Variants in CCDC181 observed in about 807,000 individuals in gnomAD.
The protein encoded by CCDC181 is coiled-coil domain containing 181.
CCDC181 carries 35 observed loss-of-function variants against 58.7 expected under a neutral mutation model. The observed-to-expected ratio is 0.60, with a 90% CI of 0.46 to 0.79. The LOEUF is 0.79. CCDC181 is among the 30% of genes least tolerant of loss of function. The pLI is 0.00. For missense variants in CCDC181, 517 were observed against 583.9 expected, an observed-to-expected ratio of 0.89 and a Z score of 1.18; for synonymous variants, 183 against 197.5, an observed-to-expected ratio of 0.93 and a Z score of 0.62.
chr1:169,426,360 T>C (rs1656708621), intron 1 of CCDC181, among the ~76,000 whole-genome samples: 1 of 152,182 alleles, frequency 6.6e-6, no homozygotes, highest in South Asian at 2.1e-4. Flanking sequence ...CACTTAACAC[T>C]TCCTACTTTA....
intron 5 of CCDC181, 139 bp downstream of exon 5, chr1:169,397,098 A>G (rs1186312264): frequency 1.3e-5 from 7 of 523,422 alleles, no homozygotes; most frequent in Non-Finnish European, 1.8e-5. Flanking sequence ...TTTTAAAAGC[A>G]TGAATTTAAA....
upstream of CCDC181, among the ~76,000 whole-genome samples, chr1:169,432,196 C>G (rs1656939445): frequency 6.6e-6 from 1 of 152,022 alleles, no homozygotes; most frequent in Non-Finnish European, 1.5e-5. Flanking sequence ...AAAAGTACAA[C>G]TGAAATGAAA....
chr1:169,413,204 G>A (rs1656055508), intron 4 of CCDC181, among the ~76,000 whole-genome samples: 3 of 152,254 alleles, frequency 2.0e-5, no homozygotes, highest in Middle Eastern at 3.4e-3. Context: ...CAAAAAGTGG[G>A]CAAAGGATAT....
At chr1:169,429,317 C>T (rs545939562), upstream of CCDC181, among the ~76,000 whole-genome samples, 3 of 152,278 alleles carry the variant, frequency 2.0e-5, no homozygotes, top group Non-Finnish European at 2.9e-5. Flanking sequence ...GGTAGATACA[C>T]GGTAGTGGGA....
intron 2 of CCDC181, among the ~76,000 whole-genome samples, chr1:169,452,407 G>GATTCTAAACTAA (rs1657564874): frequency 6.6e-6 from 1 of 152,042 alleles, no homozygotes; most frequent in South Asian, 2.1e-4. Flanking sequence ...TAGGAGAACA[G>GATTCTAAACTAA]AAAGTAGACA....
intron 1 of CCDC181, among the ~76,000 whole-genome samples, chr1:169,426,586 T>G (rs1656722159): frequency 6.6e-6 from 1 of 152,224 alleles, no homozygotes; most frequent in Non-Finnish European, 1.5e-5. Flanking sequence ...ATACATAATT[T>G]TGATAACTTT....
intron 4 of CCDC181, among the ~76,000 whole-genome samples, chr1:169,416,890 G>T (rs913664513): frequency 6.6e-6 from 1 of 151,956 alleles, no homozygotes; most frequent in South Asian, 2.1e-4. Flanking sequence ...AAAATATATT[G>T]TCAGACTAGG....
intron 2 of CCDC181, among the ~76,000 whole-genome samples, chr1:169,445,710 C>T (rs1219212104): frequency 6.6e-6 from 1 of 152,140 alleles, no homozygotes; most frequent in Non-Finnish European, 1.5e-5. Context: ...GAATTGGTAT[C>T]ATTTCTTGCT....
intron 4 of CCDC181, among the ~76,000 whole-genome samples, chr1:169,407,188 T>G (rs749601884): frequency 5.9e-5 from 9 of 151,872 alleles, no homozygotes; most frequent in Non-Finnish European, 1.0e-4. Flanking sequence ...AAATCACACA[T>G]GTAATACACT....
At chr1:169,406,295 G>A (rs1427499247) in intron 4 of CCDC181, among the ~76,000 whole-genome samples, 2 of 152,156 alleles carry the variant, frequency 1.3e-5, no homozygotes, top group Non-Finnish European at 2.9e-5. Flanking sequence ...TCCCATTACT[G>A]GGTATATACC....
chr1:169,408,379 A>C (rs1189699364), intron 4 of CCDC181, among the ~76,000 whole-genome samples: 1 of 152,166 alleles, frequency 6.6e-6, no homozygotes, highest in Non-Finnish European at 1.5e-5. Flanking sequence ...TCTCTGAAAG[A>C]AAGGCAGCAG....
intron 1 of CCDC181, among the ~76,000 whole-genome samples, chr1:169,426,209 T>G (rs948155168): frequency 6.6e-6 from 1 of 152,178 alleles, no homozygotes; most frequent in Non-Finnish European, 1.5e-5. Context: ...AAACTCTGGT[T>G]ATCAAATCCC....
intron 3 of CCDC181, among the ~76,000 whole-genome samples, chr1:169,419,692 A>G (rs1184710602): frequency 6.6e-6 from 1 of 152,220 alleles, no homozygotes; most frequent in East Asian, 1.9e-4. Flanking sequence ...CATTATTTAT[A>G]CATTTCCATT....
intron 4 of CCDC181, among the ~76,000 whole-genome samples, chr1:169,407,701 G>C (rs527718529): frequency 6.6e-6 from 1 of 152,302 alleles, no homozygotes; most frequent in Admixed American, 6.5e-5. Context: ...CAGAAGGCAG[G>C]TGATTTCTGC....
chr1:169,418,781 TTC>T (rs1301254447), intron 4 of CCDC181: 1 of 500,192 alleles, frequency 2.0e-6, no homozygotes, highest in African/African-American at 2.0e-5. Context: ...ATTGATAGTT[TTC>T]TGTTTTCTGT....
rs185164065 is a variant in CCDC181, at chr1:169,421,418, C to T, written c.1013G>A (p.Arg338Gln). The change falls in exon 3 of 6, where the codon CGA (arginine) becomes CAA (glutamine). Residue 338 changes from arginine (R) to glutamine (Q), a missense_variant. Arg to Gln is a conservative substitution (Grantham distance 43). Transcript: ENST00000367806. The stretch of plus-strand genomic sequence containing the variant: ...TAGTTGTTTTTGTAGTTCTTTCTGT[C>T]GAGGGGAAAGACAGTATGTTGAAGT... ...PVTSTYCLSP[R>Q]QKELQKQLEE... 8.6e-4 allele frequency: 1,384 copies of T among 1,613,350 alleles called. 6 individuals are homozygous for T. The East Asian group carries it at 0.01, about 12-fold the overall frequency.
intron 2 of CCDC181, among the ~76,000 whole-genome samples, chr1:169,440,135 T>C (rs1041423373): frequency 6.6e-6 from 1 of 152,194 alleles, no homozygotes; most frequent in South Asian, 2.1e-4. Flanking sequence ...GGAACTGCTC[T>C]CTTCTACCCG....
intron 2 of CCDC181, among the ~76,000 whole-genome samples, chr1:169,441,133 C>T (rs984326966): frequency 2.6e-5 from 4 of 152,040 alleles, no homozygotes; most frequent in Admixed American, 1.3e-4. Context: ...TTAAAAGCAG[C>T]AATGGCATTT....
chr1:169,423,336 C>T (rs1191958601), intron 2 of CCDC181, among the ~76,000 whole-genome samples: 2 of 151,860 alleles, frequency 1.3e-5, no homozygotes, highest in African/African-American at 4.8e-5. Flanking sequence ...TTATTTGTTT[C>T]TCTAGTTGAC....
Sources: gnomAD v4.1 joint callset for allele counts (sites outside exome capture counted in the v4.1 genomes callset) on GRCh38, gnomAD v4.1.1 for gene constraint, MANE v1.5 for transcripts, NCBI Gene and HGNC (gene_info 2026-07-23, HGNC 2026-07-21) for gene names.